Variants in EPC2 observed in about 807,000 individuals in gnomAD.
EPC2 encodes enhancer of polycomb homolog 2.
Under a neutral mutation model 92.1 loss-of-function variants are expected in EPC2, and 14 were observed. The observed-to-expected ratio is 0.15, with a 90% CI of 0.10 to 0.24. EPC2 has a LOEUF of 0.24. Ranked by LOEUF, EPC2 falls within the 10% of genes least tolerant of loss-of-function variation. EPC2 has a pLI of 1.00. For synonymous variants in EPC2, 340 were observed against 334.7 expected, an observed-to-expected ratio of 1.02 and a Z score of -0.17; for missense variants, 755 against 971.5, an observed-to-expected ratio of 0.78 and a Z score of 2.96.
chr2:148,734,109 A>C (rs1427647080), intron 2 of EPC2, among the ~76,000 whole-genome samples: 1 of 152,174 alleles, frequency 6.6e-6, no homozygotes, highest in Non-Finnish European at 1.5e-5. Context: ...TTTAAATTAG[A>C]ATTTTATATA....
rs904955958 is a variant in EPC2 at position 148,671,379 on chromosome 2, C to T, written c.154-18835C>T. 1.9e-4 allele frequency among the ~76,000 whole-genome samples: 29 copies of T among 149,902 alleles called. No homozygotes were observed. The East Asian group carries it at 4.7e-3, about 24-fold the overall frequency. On this transcript the variant is annotated intron_variant, in intron 1 of 13. Coordinates refer to ENST00000258484, the MANE Select transcript of EPC2 (RefSeq NM_015630.4). ...CTGTAATCCCAGCACTTTGGGAGGC[C>T]GAGGCAGGCGGATCACTTGAGATCA...
intron 1 of EPC2, among the ~76,000 whole-genome samples, chr2:148,649,360 A>G (rs1175336970): frequency 6.6e-6 from 1 of 152,228 alleles, no homozygotes; most frequent in Non-Finnish European, 1.5e-5. Context: ...TTCCACTCCT[A>G]GTCCAAGCAA....
chr2:148,684,292 C>T (rs553691078), intron 1 of EPC2, among the ~76,000 whole-genome samples: 3 of 152,196 alleles, frequency 2.0e-5, no homozygotes, highest in Non-Finnish European at 4.4e-5. Context: ...ATATTTTCTC[C>T]CACTCTGTGG....
At chr2:148,761,572 A>AT (rs1263908904) in intron 4 of EPC2, among the ~76,000 whole-genome samples, 1 of 151,748 alleles carries the variant, frequency 6.6e-6, no homozygotes, top group Non-Finnish European at 1.5e-5. Flanking sequence ...AGCTGGCAAC[A>AT]TTTTTTTTCT....
At chr2:148,761,705 G>C (rs771352384) in intron 4 of EPC2, 77 bp from the exon 5 acceptor site, 3 of 1,034,384 alleles carry the variant, frequency 2.9e-6, no homozygotes, top group Non-Finnish European at 4.0e-6. Context: ...ATTCAGGTCT[G>C]ATAAGAGTTT....
Position 148,661,773 on chromosome 2 carries a change from A to T in EPC2, c.153+16603A>T, listed in dbSNP as rs561913653. 3.9e-5 allele frequency among the ~76,000 whole-genome samples: 6 copies of T among 151,972 alleles called. No individual in the cohort carries two copies. In the South Asian group the frequency reaches 1.0e-3, roughly 26 times the overall value. ...ATGAATGAGTGTTGAATATTCTCAAATTTTTTTTGGCATCTGTGGAGATTA... is the reference window on the plus strand; with the variant it reads ...ATGAATGAGTGTTGAATATTCTCAATTTTTTTTTGGCATCTGTGGAGATTA... On this transcript the variant is annotated intron_variant, in intron 1 of 13. Coordinates refer to ENST00000258484, the MANE Select transcript of EPC2 (RefSeq NM_015630.4).
intron 4 of EPC2, among the ~76,000 whole-genome samples, chr2:148,759,173 A>G (rs554115884): frequency 4.6e-5 from 7 of 152,208 alleles, no homozygotes; most frequent in South Asian, 2.1e-4. Context: ...GCTTACTGCA[A>G]CCTCTACCTC....
intron 3 of EPC2, among the ~76,000 whole-genome samples, chr2:148,753,499 C>T (rs888381893): frequency 1.5e-4 from 23 of 152,028 alleles, no homozygotes; most frequent in African/African-American, 3.9e-4. Context: ...TTATTTTGGA[C>T]GCACATAAAA....
chr2:148,743,513 C>T, intron 2 of EPC2, 109 bp from the exon 3 acceptor site: 2 of 782,540 alleles, frequency 2.6e-6, no homozygotes, highest in Admixed American at 7.6e-5. Context: ...CCTGAGCTCC[C>T]CTTTAGTCAG....
chr2:148,674,393 A>G (rs574568838), intron 1 of EPC2, among the ~76,000 whole-genome samples: 8 of 152,034 alleles, frequency 5.3e-5, no homozygotes, highest in African/African-American at 1.5e-4. Context: ...AGTCCCTTCT[A>G]CATTCCACCA....
chr2:148,720,437 C>A (rs1314181961), intron 2 of EPC2, among the ~76,000 whole-genome samples: 1 of 152,132 alleles, frequency 6.6e-6, no homozygotes, highest in Non-Finnish European at 1.5e-5. Context: ...CAAGGCTGCT[C>A]AACTTTCTGG....
intron 5 of EPC2, 142 bp downstream of exon 5, chr2:148,762,072 T>C: frequency 1.4e-6 from 1 of 706,284 alleles, no homozygotes; most frequent in South Asian, 2.5e-5. Context: ...TTTTTAAAGA[T>C]TTGTGGTTAC....
chr2:148,757,068 TGTG>T (rs1683204864), intron 4 of EPC2, among the ~76,000 whole-genome samples: 1 of 152,154 alleles, frequency 6.6e-6, no homozygotes, highest in Admixed American at 6.5e-5. Context: ...AATATGAACT[TGTG>T]GTTTTTAATA....
At chr2:148,746,780 G>A (rs80268353) in intron 3 of EPC2, among the ~76,000 whole-genome samples, 3,819 of 151,966 alleles carry the variant, frequency 0.025, 56 homozygotes, top group East Asian at 0.032. Flanking sequence ...GCCATGATAT[G>A]TGTAACTTCC....
chr2:148,734,367 C>CT (rs375191684), intron 2 of EPC2, among the ~76,000 whole-genome samples: 74 of 148,246 alleles, frequency 5.0e-4, no homozygotes, highest in Admixed American at 4.1e-4. Context: ...GAAATAAGTA[C>CT]TTTTTTTTTT....
chr2:148,676,781 T>G lies in EPC2; in HGVS notation c.154-13433T>G, dbSNP rs1224486860. ...CCTGTTTATTGACATTTAGGTGCTC[T>G]CTCTCTCTCTCTCTCTCTCTGTCTC... On this transcript the variant is annotated intron_variant, in intron 1 of 13. Transcript: ENST00000258484. Among the ~76,000 whole-genome samples, 163 of 90,880 alleles carry G rather than the reference T, an allele frequency of 1.8e-3. 1 individual carries two copies. Among genetic ancestry groups the G allele is most frequent in the African/African-American group, 5.0e-3 (155 of 31,176 alleles). 59.6% of individuals were successfully genotyped at this position (90,880 alleles called of 152,430 possible).
intron 2 of EPC2, among the ~76,000 whole-genome samples, chr2:148,699,384 T>A (rs1334586344): frequency 6.6e-6 from 1 of 152,204 alleles, no homozygotes; most frequent in Non-Finnish European, 1.5e-5. Flanking sequence ...GATCCATGAT[T>A]ACAGTATCCT....
At chr2:148,778,424 G>A (rs1683686906) in intron 10 of EPC2, among the ~76,000 whole-genome samples, 1 of 152,060 alleles carries the variant, frequency 6.6e-6, no homozygotes, top group Non-Finnish European at 1.5e-5. Flanking sequence ...TGTGCCTCTT[G>A]TAATCCAAAG....
Position 148,761,922 on chromosome 2 carries a change from G to C in EPC2, c.807G>C (p.Val269=). Residue 269 remains valine, a synonymous_variant, in exon 5 of 14, where the codon GTG becomes GTC. Coordinates refer to ENST00000258484, the MANE Select transcript of EPC2 (RefSeq NM_015630.4). ...RELLHLTLEV[V]EKRYHLGDYG... is the part of the protein sequence containing the mutation. Reference sequence around the variant, plus strand: ...TATTGCACTTAACCTTAGAAGTTGTGGAGAAAAGGTAACATTGCTCCTGTT... The same window carrying C: ...TATTGCACTTAACCTTAGAAGTTGTCGAGAAAAGGTAACATTGCTCCTGTT... 1 of 1,584,068 alleles carries C rather than the reference G, an allele frequency of 6.3e-7. No homozygotes were observed. The highest frequency in any genetic ancestry group is 1.9e-5 in the Admixed American group (1 of 52,840).
Sources: gnomAD v4.1 joint callset for allele counts (sites outside exome capture counted in the v4.1 genomes callset) on GRCh38, gnomAD v4.1.1 for gene constraint, MANE v1.5 for transcripts, NCBI Gene and HGNC (gene_info 2026-07-23, HGNC 2026-07-21) for gene names.